The following ZNF804B variants were observed in gnomAD, a reference collection of about 807,000 sequenced individuals.
ZNF804B encodes the protein zinc finger protein 804B.
A neutral mutation model predicts 101.4 loss-of-function variants in ZNF804B; 80 were observed. The ratio of observed to expected loss-of-function variants is 0.79; its 90% CI spans 0.66 to 0.95. The LOEUF (loss-of-function observed/expected upper bound fraction) is 0.95. Ranked by LOEUF, ZNF804B falls within the 40% of genes least tolerant of loss-of-function variation. The probability of loss-of-function intolerance (pLI) is 0.00; values close to 1 mark genes in which losing one functional copy is unlikely to be tolerated. For synonymous variants in ZNF804B, 622 were observed against 558.8 expected (o/e 1.11, Z -1.59); for missense variants, 1,673 against 1,561.9 (o/e 1.07, Z -1.20).
rs73208835 is a variant in ZNF804B, at chr7:89,220,127, G to A, written c.249+1832G>A. Reference sequence around the variant, plus strand: ...TATGTGTGTATATACATATATATACGCACACATATATGTGTGTATATACAT... The same window carrying A: ...TATGTGTGTATATACATATATATACACACACATATATGTGTGTATATACAT... On this transcript the variant is annotated intron_variant, in intron 2 of 3. Transcript: ENST00000333190. Among the ~76,000 whole-genome samples the A allele has an allele frequency of 4.5e-4, 23 of 51,408 alleles. 7 individuals are homozygous for A. The highest frequency in any genetic ancestry group is 9.8e-4 in the South Asian group (2 of 2,032). 33.7% of individuals were successfully genotyped at this position (51,408 alleles called of 152,430 possible).
chr7:88,793,383 G>T (rs1790415057), intron 1 of ZNF804B, among the ~76,000 whole-genome samples: 1 of 151,990 alleles, frequency 6.6e-6, no homozygotes, highest in Non-Finnish European at 1.5e-5. Flanking sequence ...TGTTTTCTGT[G>T]TACCCTGCCA....
intron 1 of ZNF804B, among the ~76,000 whole-genome samples, chr7:88,895,937 A>G (rs1418046727): frequency 1.3e-5 from 2 of 152,226 alleles, no homozygotes; most frequent in East Asian, 3.8e-4. Context: ...AATTATGTAG[A>G]CACTGTTCCA....
At chr7:89,209,162 C>T (rs1035705409) in intron 1 of ZNF804B, among the ~76,000 whole-genome samples, 1 of 151,756 alleles carries the variant, frequency 6.6e-6, no homozygotes, top group African/African-American at 2.4e-5. Flanking sequence ...GGCATCCTGC[C>T]TGTAAGTCAG....
At chr7:89,317,165 G>A (rs967224674) in intron 2 of ZNF804B, among the ~76,000 whole-genome samples, 2 of 152,146 alleles carry the variant, frequency 1.3e-5, no homozygotes, top group African/African-American at 4.8e-5. Flanking sequence ...TGAGGTAGGA[G>A]GTCATTAGCC....
intron 1 of ZNF804B, among the ~76,000 whole-genome samples, chr7:89,167,366 C>T (rs1484808174): frequency 6.6e-6 from 1 of 151,740 alleles, no homozygotes; most frequent in African/African-American, 2.4e-5. Flanking sequence ...TTGCTGGAAC[C>T]CGGGAGGTGG....
At chr7:89,166,802 G>T (rs1450339337) in intron 1 of ZNF804B, among the ~76,000 whole-genome samples, 1 of 152,146 alleles carries the variant, frequency 6.6e-6, no homozygotes, top group African/African-American at 2.4e-5. Context: ...ATGATTAACA[G>T]ATTCTTGTAA....
At chr7:88,958,750 A>G (rs1188569460) in intron 1 of ZNF804B, among the ~76,000 whole-genome samples, 1 of 151,430 alleles carries the variant, frequency 6.6e-6, no homozygotes, top group Non-Finnish European at 1.5e-5. Flanking sequence ...ACTGATTCTC[A>G]TGATGTAGGA....
intron 1 of ZNF804B, among the ~76,000 whole-genome samples, chr7:88,793,782 C>T (rs6975112): frequency 0.16 from 24,275 of 151,950 alleles, 1,982 homozygotes; most frequent in African/African-American, 0.2. Flanking sequence ...TTTTTCTTCT[C>T]GATTTTGTAC....
chr7:89,223,654 A>G (rs1364841261), intron 2 of ZNF804B, among the ~76,000 whole-genome samples: 1 of 140,176 alleles, frequency 7.1e-6, no homozygotes, highest in East Asian at 2.0e-4. Flanking sequence ...ATGGCACTCC[A>G]CTATGGGCAA....
intron 1 of ZNF804B, among the ~76,000 whole-genome samples, chr7:88,866,236 T>C (rs1422925156): frequency 6.6e-6 from 1 of 152,206 alleles, no homozygotes; most frequent in East Asian, 1.9e-4. Context: ...GAAAATATGT[T>C]AAAGTGATGA....
At chr7:89,073,814 G>A (rs577604865) in intron 1 of ZNF804B, among the ~76,000 whole-genome samples, 5 of 152,166 alleles carry the variant, frequency 3.3e-5, no homozygotes, top group South Asian at 4.1e-4. Context: ...TAAAAAATCC[G>A]CTTTTTATTC....
chr7:88,894,903 T>C (rs1792264905), intron 1 of ZNF804B, among the ~76,000 whole-genome samples: 1 of 152,134 alleles, frequency 6.6e-6, no homozygotes, highest in African/African-American at 2.4e-5. Flanking sequence ...CTATCCTGTA[T>C]AATATTGAGC....
At chr7:89,218,080 C>T (rs1788923936) in intron 1 of ZNF804B, 75 bp from the exon 2 acceptor site, 1 of 1,415,064 alleles carries the variant, frequency 7.1e-7, no homozygotes, top group Non-Finnish European at 9.7e-7. Flanking sequence ...AGTTAAATAC[C>T]ACCTTGATTA....
In ZNF804B at chr7:89,335,325, A is replaced by G; in HGVS notation, c.2343A>G (p.Lys781=). The G allele has an allele frequency of 1.2e-6, 2 of 1,613,780 alleles. No homozygotes were observed. The highest frequency in any genetic ancestry group is 2.2e-5 in the East Asian group (1 of 44,854). ...GCCAAATGCAGTCTGAACCACAGAA[A>G]GAGAGGAACTGCAAATTGTGGGAAT... ...KSSQMQSEPQ[K]ERNCKLWESF... The change falls in exon 4 of 4, where the codon AAA becomes AAG. Residue 781 remains lysine, a synonymous_variant. Coordinates refer to ENST00000333190, the MANE Select transcript of ZNF804B (RefSeq NM_181646.5).
chr7:89,086,490 T>C (rs1373859824), intron 1 of ZNF804B, among the ~76,000 whole-genome samples: 3 of 151,954 alleles, frequency 2.0e-5, no homozygotes, highest in African/African-American at 7.2e-5. Flanking sequence ...GCAGTCAAGG[T>C]GTCTGGTTAG....
intron 1 of ZNF804B, chr7:88,794,600 T>A: frequency 6.2e-7 from 1 of 1,613,642 alleles, no homozygotes. Flanking sequence ...ACATGGCCAA[T>A]ATAATCTAAA....
chr7:89,072,224 T>A (rs1163561678), intron 1 of ZNF804B, among the ~76,000 whole-genome samples: 1 of 152,192 alleles, frequency 6.6e-6, no homozygotes, highest in Admixed American at 6.5e-5. Context: ...AGAGAACACA[T>A]GTCTTTCACA....
intron 1 of ZNF804B, among the ~76,000 whole-genome samples, chr7:88,780,450 A>G (rs760016919): frequency 7.3e-6 from 1 of 137,920 alleles, no homozygotes; most frequent in Admixed American, 8.1e-5. Context: ...GTGCAGTGGC[A>G]TGAGCATGGC....
intron 1 of ZNF804B, among the ~76,000 whole-genome samples, chr7:88,939,689 A>T (rs1793028664): frequency 6.6e-6 from 1 of 151,926 alleles, no homozygotes; most frequent in African/African-American, 2.4e-5. Flanking sequence ...TGCAGAAAAG[A>T]TAAAAATAAA....
Sources: allele counts gnomAD v4.1 joint callset (sites outside exome capture counted in the v4.1 genomes callset), GRCh38; gene constraint gnomAD v4.1.1; transcripts MANE v1.5; gene names NCBI Gene and HGNC (gene_info 2026-07-23, HGNC 2026-07-21).